UNC5C: variants seen among roughly 807,000 people sequenced by gnomAD.
The protein encoded by UNC5C is unc-5 netrin receptor C, also known as netrin receptor UNC5C.
UNC5C carries 47 observed loss-of-function variants against 99.8 expected under a neutral mutation model. That is an observed-to-expected ratio of 0.47 (90% CI 0.37 to 0.60). The LOEUF is 0.60. Ranked by LOEUF, UNC5C falls within the 20% of genes least tolerant of loss-of-function variation. The pLI, the probability that UNC5C is intolerant of heterozygous loss-of-function variation, is 0.00. For synonymous variants in UNC5C, 487 were observed against 452.2 expected (o/e 1.08, Z -0.98); for missense variants, 1,062 against 1,165.9 (o/e 0.91, Z 1.30).
intron 1 of UNC5C, among the ~76,000 whole-genome samples, chr4:95,526,090 C>T (rs560133045): frequency 9.2e-5 from 14 of 152,188 alleles, no homozygotes; most frequent in East Asian, 5.8e-4. Context: ...GAAAGGGCAA[C>T]GACTTTTCAA....
rs560529404 is a variant in UNC5C at position 95,436,718 on chromosome 4, A to G, written c.125-101087T>C. On this transcript the variant is annotated intron_variant, in intron 1 of 15. Transcript: ENST00000453304. ...AATAATGCTAGTCAATCTATAACCA[A>G]TAGAAATACAGAATAAGCTAATAAA... is the stretch of plus-strand genomic sequence containing the variant. 1.9e-3 allele frequency among the ~76,000 whole-genome samples: 292 copies of G among 152,110 alleles called. 2 individuals are homozygous for G. Among genetic ancestry groups the G allele is most frequent in the African/African-American group, 6.6e-3 (274 of 41,550 alleles).
chr4:95,293,399 C>T (rs1160465578), intron 3 of UNC5C, among the ~76,000 whole-genome samples: 1 of 141,014 alleles, frequency 7.1e-6, no homozygotes, highest in Non-Finnish European at 1.5e-5. Flanking sequence ...ACCTCCTGAG[C>T]TCAAGGGATC....
intron 2 of UNC5C, among the ~76,000 whole-genome samples, chr4:95,309,453 G>T (rs1014884011): frequency 2.2e-4 from 33 of 152,028 alleles, no homozygotes; most frequent in Non-Finnish European, 7.4e-5. Flanking sequence ...AAACTAAAAA[G>T]CTTCTGCACA....
chr4:95,342,299 C>A (rs1743609101), intron 1 of UNC5C, among the ~76,000 whole-genome samples: 1 of 151,864 alleles, frequency 6.6e-6, no homozygotes, highest in African/African-American at 2.4e-5. Context: ...AGAAGACTTT[C>A]TTTTGCCACT....
chr4:95,478,664 T>G (rs1189664553), intron 1 of UNC5C, among the ~76,000 whole-genome samples: 1 of 152,030 alleles, frequency 6.6e-6, no homozygotes, highest in Admixed American at 6.6e-5. Flanking sequence ...TATTATTTTG[T>G]TTTTTAACTC....
At chr4:95,388,883 A>C (rs961239902) in intron 1 of UNC5C, among the ~76,000 whole-genome samples, 6 of 152,194 alleles carry the variant, frequency 3.9e-5, no homozygotes, top group African/African-American at 1.4e-4. Flanking sequence ...ATGGGCCTAA[A>C]GCCCTAATTT....
intron 1 of UNC5C, among the ~76,000 whole-genome samples, chr4:95,420,374 T>C (rs1746282667): frequency 6.6e-6 from 1 of 152,150 alleles, no homozygotes; most frequent in Non-Finnish European, 1.5e-5. Context: ...TGGGGACACA[T>C]AATAAAATAA....
chr4:95,379,184 T>C (rs1744988795), intron 1 of UNC5C, among the ~76,000 whole-genome samples: 1 of 152,196 alleles, frequency 6.6e-6, no homozygotes, highest in South Asian at 2.1e-4. Flanking sequence ...AGAGACTCCA[T>C]GCCTCCAAGT....
intron 12 of UNC5C, among the ~76,000 whole-genome samples, chr4:95,196,477 C>A (rs1020154233): frequency 6.6e-6 from 1 of 151,872 alleles, no homozygotes; most frequent in Non-Finnish European, 1.5e-5. Flanking sequence ...CCACTGTTGC[C>A]CATCAGCCTT....
chr4:95,246,726 T>C (rs1196563469), intron 5 of UNC5C, among the ~76,000 whole-genome samples: 1 of 151,982 alleles, frequency 6.6e-6, no homozygotes, highest in Non-Finnish European at 1.5e-5. Context: ...TATAACAATG[T>C]ATAATGCTTA....
At chr4:95,502,744 G>A (rs1721809538) in intron 1 of UNC5C, among the ~76,000 whole-genome samples, 1 of 152,256 alleles carries the variant, frequency 6.6e-6, no homozygotes, top group African/African-American at 2.4e-5. Context: ...TTTATTGTAT[G>A]AAAATCTTAA....
Position 95,236,690 on chromosome 4 carries a change from C to G in UNC5C, c.1108+5739G>C, listed in dbSNP as rs144795307. Among the ~76,000 whole-genome samples, 11 of 152,142 alleles carry G rather than the reference C, an allele frequency of 7.2e-5. No homozygotes were observed. The Middle Eastern group carries it at 0.01, about 141-fold the overall frequency. On this transcript the variant is annotated intron_variant, in intron 7 of 15. Transcript: ENST00000453304. ...CAGAAAATTCATAAGTTTCATTCAT[C>G]TTTTACTAAGCATACCTTTACACGC...
At chr4:95,508,459 T>A (rs965104830) in intron 1 of UNC5C, among the ~76,000 whole-genome samples, 1 of 152,020 alleles carries the variant, frequency 6.6e-6, no homozygotes, top group African/African-American at 2.4e-5. Flanking sequence ...CTCTGTACAA[T>A]CTGATCTTGT....
At chr4:95,470,333 G>C (rs1418776521) in intron 1 of UNC5C, among the ~76,000 whole-genome samples, 1 of 151,970 alleles carries the variant, frequency 6.6e-6, no homozygotes, top group East Asian at 1.9e-4. Flanking sequence ...TAGTTCAAAC[G>C]CATGTTGTTC....
At chr4:95,457,290 C>A (rs1747466298) in intron 1 of UNC5C, among the ~76,000 whole-genome samples, 1 of 151,954 alleles carries the variant, frequency 6.6e-6, no homozygotes, top group Admixed American at 6.6e-5. Flanking sequence ...AGAAGGGAAC[C>A]ATTTTTCATA....
chr4:95,218,648 A>G (rs1339198439), intron 9 of UNC5C, among the ~76,000 whole-genome samples: 1 of 152,228 alleles, frequency 6.6e-6, no homozygotes, highest in Admixed American at 6.5e-5. Context: ...TATAATGACA[A>G]CATTAGGACT....
At chr4:95,420,277 T>C (rs1173294149) in intron 1 of UNC5C, among the ~76,000 whole-genome samples, 2 of 152,162 alleles carry the variant, frequency 1.3e-5, no homozygotes, top group Admixed American at 6.5e-5. Context: ...TTTTTTGTTG[T>C]TACATTCATG....
At chr4:95,442,326 C>T (rs1224078753) in intron 1 of UNC5C, among the ~76,000 whole-genome samples, 7 of 151,322 alleles carry the variant, frequency 4.6e-5, no homozygotes, top group Non-Finnish European at 1.0e-4. Flanking sequence ...CATTAGCCCC[C>T]TGTGTAGCTG....
At chr4:95,284,209 T>G (rs1741155305) in intron 3 of UNC5C, among the ~76,000 whole-genome samples, 1 of 152,222 alleles carries the variant, frequency 6.6e-6, no homozygotes, top group Non-Finnish European at 1.5e-5. Context: ...ACATTAGCTC[T>G]GCTTTTTGAC....
Sources: gnomAD v4.1 joint callset for allele counts (sites outside exome capture counted in the v4.1 genomes callset) on GRCh38, gnomAD v4.1.1 for gene constraint, MANE v1.5 for transcripts, NCBI Gene and HGNC (gene_info 2026-07-23, HGNC 2026-07-21) for gene names.